The following PAM variants were observed in gnomAD, a reference collection of about 807,000 sequenced individuals.
The protein encoded by PAM is peptidylglycine alpha-amidating monooxygenase, also known as peptidyl-glycine alpha-amidating monooxygenase.
A neutral mutation model predicts 122.1 loss-of-function variants in PAM; 72 were observed. That is an observed-to-expected ratio of 0.59 (90% confidence interval 0.49 to 0.72). The LOEUF is 0.72. Among genes scored for constraint, PAM ranks in the 30% least tolerant of loss-of-function variants. The pLI is 0.00. For synonymous variants in PAM, 389 were observed against 404.4 expected, an observed-to-expected ratio of 0.96 and a Z score of 0.46; for missense variants, 1,106 against 1,183.7, an observed-to-expected ratio of 0.93 and a Z score of 0.96.
intron 3 of PAM, among the ~76,000 whole-genome samples, chr5:102,889,086 CAG>C (rs1411843329): frequency 6.6e-6 from 1 of 151,830 alleles, no homozygotes. Flanking sequence ...AGTATAAAAA[CAG>C]GGATGTATTT....
chr5:102,787,649 T>C (rs532798015), intron 1 of PAM, among the ~76,000 whole-genome samples: 1 of 151,810 alleles, frequency 6.6e-6, no homozygotes, highest in Non-Finnish European at 1.5e-5. Context: ...AAGAAAACTA[T>C]TGTGCAGCTC....
chr5:102,779,918 T>TATATATATATATATACACAC (rs147065045), intron 1 of PAM, among the ~76,000 whole-genome samples: 16 of 95,658 alleles, frequency 1.7e-4, no homozygotes, highest in South Asian at 7.4e-4. Flanking sequence ...TATATATATA[T>TATATATATATATATACACAC]ACACACATAT....
intron 4 of PAM, among the ~76,000 whole-genome samples, 199 bp downstream of exon 4, chr5:102,901,612 C>T (rs970535638): frequency 6.6e-6 from 1 of 151,580 alleles, no homozygotes; most frequent in Non-Finnish European, 1.5e-5. Context: ...TGGAGAGATT[C>T]ATGAGTAATA....
intron 1 of PAM, among the ~76,000 whole-genome samples, chr5:102,812,875 T>G (rs930167373): frequency 5.3e-5 from 8 of 152,124 alleles, no homozygotes; most frequent in African/African-American, 1.9e-4. Flanking sequence ...TTTATGTACA[T>G]AGTAAGCTCA....
chr5:102,846,387 T>G (rs942354039), intron 1 of PAM, among the ~76,000 whole-genome samples: 7 of 152,198 alleles, frequency 4.6e-5, no homozygotes, highest in African/African-American at 1.7e-4. Flanking sequence ...TGTGTTCTGG[T>G]TGTACTTAAC....
chr5:103,005,235 C>G lies in PAM; in HGVS notation c.1803+9C>G. On this transcript the variant is annotated intron_variant, in intron 18 of 25. Coordinates refer to ENST00000438793, the MANE Select transcript of PAM (RefSeq NM_001177306.2). ...ACGTGGCTCTCCATCAGGTAGTCTT[C>G]CTTTTGGTAATATTCAAATTAGAAG... 8.8e-7 allele frequency: 1 copy of G among 1,130,356 alleles called. No individual in the cohort carries two copies. Among genetic ancestry groups the G allele is most frequent in the South Asian group, 1.2e-5 (1 of 81,336 alleles). 70.0% of individuals were successfully genotyped at this position (1,130,356 alleles called of 1,614,324 possible).
chr5:102,974,063 T>C, intron 14 of PAM, 53 bp from the exon 15 acceptor site: 1 of 1,283,452 alleles, frequency 7.8e-7, no homozygotes, highest in Non-Finnish European at 1.1e-6. Flanking sequence ...ATTTTGTAAA[T>C]TTTGCAATCT....
chr5:102,961,351 G>C lies in PAM; in HGVS notation c.1162+122G>C, dbSNP rs560607965. On this transcript the variant is annotated intron_variant, in intron 14 of 25. Coordinates refer to ENST00000438793, the MANE Select transcript of PAM (RefSeq NM_001177306.2). ...GTATCTGCCTCAAACACTATGTATTGCTATTTTTATACAATGCATAATTCA... is the reference window on the plus strand; with the variant it reads ...GTATCTGCCTCAAACACTATGTATTCCTATTTTTATACAATGCATAATTCA... 1.2e-5 allele frequency: 7 copies of C among 585,348 alleles called. No individual in the cohort carries two copies. The South Asian group carries it at 1.6e-4, about 13-fold the overall frequency. The allele number at this position is 585,348 out of a possible 1,614,324, so 36.3% of individuals were successfully genotyped here. A position where few individuals can be genotyped will look rare whatever the true frequency, so the allele number is the denominator to read the frequency against.
intron 1 of PAM, among the ~76,000 whole-genome samples, chr5:102,849,619 C>T (rs1384443372): frequency 6.6e-6 from 1 of 150,816 alleles, no homozygotes; most frequent in Non-Finnish European, 1.5e-5. Flanking sequence ...TCATGGGACA[C>T]TACTTGGTTC....
chr5:102,781,029 TGGAGGGTAAA>T (rs1047593646), intron 1 of PAM, among the ~76,000 whole-genome samples: 25 of 152,054 alleles, frequency 1.6e-4, no homozygotes, highest in African/African-American at 5.8e-4. Context: ...AAATGTCTCC[TGGAGGGTAAA>T]GTTGCCCCAG....
At chr5:102,897,876 TA>T (rs1796633114) in intron 3 of PAM, among the ~76,000 whole-genome samples, 1 of 151,664 alleles carries the variant, frequency 6.6e-6, no homozygotes, top group Non-Finnish European at 1.5e-5. Flanking sequence ...TTTTCATATG[TA>T]ATAATATACA....
Position 102,866,113 on chromosome 5 carries a change from G to A in PAM, c.-83G>A, listed in dbSNP as rs1437295767. On this transcript the variant is annotated 5_prime_UTR_variant, in exon 2 of 26. Transcript: ENST00000438793. ...CCCGGGCCATGAAGTAGCGGCTGCT[G>A]GCGGCGCCGCTGCCCAACCGCCAGC... The A allele has an allele frequency of 1.2e-6, 1 of 861,102 alleles. No homozygotes were observed. The highest frequency in any genetic ancestry group is 1.8e-6 in the Non-Finnish European group (1 of 545,340). 53.3% of individuals were successfully genotyped at this position (861,102 alleles called of 1,614,324 possible).
chr5:103,022,429 G>C (rs1401752245), intron 23 of PAM, among the ~76,000 whole-genome samples: 1 of 152,024 alleles, frequency 6.6e-6, no homozygotes, highest in African/African-American at 2.4e-5. Flanking sequence ...CTTCTCTTCT[G>C]TTAGGGGGAG....
At chr5:102,886,728 C>T (rs1793239643) in intron 3 of PAM, among the ~76,000 whole-genome samples, 1 of 151,990 alleles carries the variant, frequency 6.6e-6, no homozygotes, top group Non-Finnish European at 1.5e-5. Context: ...CTGCATCTTA[C>T]TCATCTTTGT....
intron 7 of PAM, among the ~76,000 whole-genome samples, chr5:102,930,339 A>G (rs1166091082): frequency 1.3e-5 from 2 of 152,148 alleles, no homozygotes; most frequent in Non-Finnish European, 2.9e-5. Flanking sequence ...GGAGCGTACA[A>G]GTATACCTGA....
At chr5:102,862,604 T>G (rs1784479550) in intron 1 of PAM, among the ~76,000 whole-genome samples, 1 of 152,206 alleles carries the variant, frequency 6.6e-6, no homozygotes, top group East Asian at 1.9e-4. Flanking sequence ...GGGAACGTTA[T>G]CTGTCTTGAT....
chr5:102,890,231 G>T (rs1465035721), intron 3 of PAM, among the ~76,000 whole-genome samples: 2 of 151,794 alleles, frequency 1.3e-5, no homozygotes, highest in Non-Finnish European at 2.9e-5. Context: ...TTCATAGATG[G>T]TGGTATGTAT....
In PAM at chr5:102,964,306, A is replaced by G. The variant is rs879365060; in HGVS notation, c.1162+3077A>G. ...AACTAGAAATTAACTAGATGTCTTG[A>G]CATCTAAGTTGTGCAAATCCAGTCT... On this transcript the variant is annotated intron_variant, in intron 14 of 25. Transcript: ENST00000438793. Among the ~76,000 whole-genome samples, 27 of 152,096 alleles carry G rather than the reference A, an allele frequency of 1.8e-4. No individual in the cohort carries two copies. In the East Asian group the frequency reaches 1.9e-3, roughly 11 times the overall value.
intron 15 of PAM, among the ~76,000 whole-genome samples, chr5:102,981,774 G>A (rs548974072): frequency 2.6e-5 from 4 of 152,262 alleles, no homozygotes; most frequent in South Asian, 2.1e-4. Flanking sequence ...AATGAGTACC[G>A]AATTTTGACA....
Sources: allele counts gnomAD v4.1 joint callset (sites outside exome capture counted in the v4.1 genomes callset), GRCh38; gene constraint gnomAD v4.1.1; transcripts MANE v1.5; gene names NCBI Gene and HGNC (gene_info 2026-07-23, HGNC 2026-07-21).